Variants in UBE2Q2 observed in about 807,000 individuals in gnomAD.
UBE2Q2 encodes the protein ubiquitin-conjugating enzyme E2 Q2.
A neutral mutation model predicts 59.9 loss-of-function variants in UBE2Q2; 54 were observed. The observed-to-expected ratio is 0.90, with a 90% CI of 0.72 to 1.13. The LOEUF (loss-of-function observed/expected upper bound fraction) is 1.13. UBE2Q2 is among the 50% of genes most tolerant of loss of function. The pLI is 0.00. For synonymous variants in UBE2Q2, 165 were observed against 155.2 expected, an observed-to-expected ratio of 1.06 and a Z score of -0.47; for missense variants, 433 against 441.9, an observed-to-expected ratio of 0.98 and a Z score of 0.18.
chr15:75,869,325 T>A (rs1595875892), intron 4 of UBE2Q2, among the ~76,000 whole-genome samples: 1 of 152,226 alleles, frequency 6.6e-6, no homozygotes, highest in African/African-American at 2.4e-5. Context: ...GAGGAACTAC[T>A]AAGTTTAAAA....
intron 9 of UBE2Q2, among the ~76,000 whole-genome samples, chr15:75,887,631 A>G (rs2141660246): frequency 6.6e-6 from 1 of 151,734 alleles, no homozygotes; most frequent in South Asian, 2.1e-4. Context: ...TTTCTGTATA[A>G]CTGGTTGAGG....
rs867827713 is a variant in UBE2Q2, at chr15:75,887,007, T to C, written c.885-3428T>C. On this transcript the variant is annotated intron_variant, in intron 9 of 12. Transcript: ENST00000267938. ...ACCTAGAATAGAGACAAATATTTTA[T>C]GCATAATGCCATTTTCAGTTTTAAA... 8.7e-4 allele frequency among the ~76,000 whole-genome samples: 132 copies of C among 152,342 alleles called. 1 individual carries two copies. The Middle Eastern group carries it at 0.024, about 27-fold the overall frequency.
Position 75,891,757 on chromosome 15 carries a change from A to T in UBE2Q2, c.1029+743A>T, listed in dbSNP as rs555358996. Among the ~76,000 whole-genome samples, 114 of 152,294 alleles carry T rather than the reference A, an allele frequency of 7.5e-4. 1 individual carries two copies. The highest frequency in any genetic ancestry group is 1.4e-3 in the Non-Finnish European group (92 of 68,024). On this transcript the variant is annotated intron_variant, in intron 11 of 12. Transcript: ENST00000267938. ...CAGTTAACCTGAAGCATAGGCTGTA[A>T]TGTTAATTTTAGGACATTAGTGAGA... is the stretch of plus-strand genomic sequence containing the variant.
intron 9 of UBE2Q2, among the ~76,000 whole-genome samples, chr15:75,887,851 C>G (rs998328034): frequency 1.3e-5 from 2 of 152,014 alleles, no homozygotes; most frequent in African/African-American, 4.8e-5. Context: ...TCATTGGAGG[C>G]AAAATCAAAA....
At chr15:75,846,618 G>C (rs916478390) in intron 1 of UBE2Q2, among the ~76,000 whole-genome samples, 1 of 152,154 alleles carries the variant, frequency 6.6e-6, no homozygotes, top group African/African-American at 2.4e-5. Context: ...GGGAAAAATG[G>C]GGTTGGATTT....
intron 12 of UBE2Q2, 22 bp from the exon 13 acceptor site, chr15:75,899,405 T>A (rs1162398344): frequency 1.3e-6 from 2 of 1,557,402 alleles, no homozygotes; most frequent in East Asian, 4.7e-5. Flanking sequence ...ATTTTAACTT[T>A]TTTTTTTTCA....
chr15:75,885,471 A>G (rs1898707236), intron 9 of UBE2Q2, among the ~76,000 whole-genome samples: 1 of 152,214 alleles, frequency 6.6e-6, no homozygotes, highest in South Asian at 2.1e-4. Flanking sequence ...TTGGGAAACC[A>G]GGTTCAGAAT....
chr15:75,860,274 G>A (rs1322356367), intron 3 of UBE2Q2, among the ~76,000 whole-genome samples: 2 of 151,966 alleles, frequency 1.3e-5, no homozygotes, highest in South Asian at 2.1e-4. Context: ...GTTTGTCTTT[G>A]GTTATTCAAT....
intron 3 of UBE2Q2, among the ~76,000 whole-genome samples, chr15:75,860,680 A>C (rs1336301626): frequency 6.6e-6 from 1 of 152,102 alleles, no homozygotes; most frequent in African/African-American, 2.4e-5. Flanking sequence ...TAATTTAAAA[A>C]ATTCTGTTGT....
chr15:75,866,329 A>G (rs1450251289), intron 3 of UBE2Q2, among the ~76,000 whole-genome samples: 1 of 152,016 alleles, frequency 6.6e-6, no homozygotes, highest in East Asian at 1.9e-4. Flanking sequence ...GTGCACTGCC[A>G]CCGTGCATGG....
chr15:75,888,469 A>G (rs1483848279), intron 9 of UBE2Q2, among the ~76,000 whole-genome samples: 2 of 152,208 alleles, frequency 1.3e-5, no homozygotes, highest in African/African-American at 2.4e-5. Flanking sequence ...AAAGTTGAAA[A>G]TACAGTATTA....
intron 1 of UBE2Q2, among the ~76,000 whole-genome samples, chr15:75,847,669 C>G (rs1380592157): frequency 6.6e-6 from 1 of 151,922 alleles, no homozygotes; most frequent in Non-Finnish European, 1.5e-5. Context: ...TTTAAGCAGC[C>G]TTATTGGGAG....
intron 1 of UBE2Q2, chr15:75,844,511 G>C (rs1403599064): frequency 6.5e-7 from 1 of 1,549,844 alleles, no homozygotes; most frequent in African/African-American, 1.4e-5. Context: ...TATTCGTGTG[G>C]CCCCTCCCTT....
At chr15:75,872,345 C>T (rs893321685) in intron 4 of UBE2Q2, among the ~76,000 whole-genome samples, 6 of 148,710 alleles carry the variant, frequency 4.0e-5, no homozygotes, top group Admixed American at 3.3e-4. Flanking sequence ...AGCCGAGATG[C>T]GTATAAACTA....
chr15:75,850,854 T>C (rs1254928383), intron 1 of UBE2Q2, among the ~76,000 whole-genome samples: 1 of 152,210 alleles, frequency 6.6e-6, no homozygotes, highest in African/African-American at 2.4e-5. Context: ...ACAAGTTAAA[T>C]CAGAAATATT....
chr15:75,849,854 A>G (rs1896542839), intron 1 of UBE2Q2, among the ~76,000 whole-genome samples: 1 of 152,242 alleles, frequency 6.6e-6, no homozygotes, highest in African/African-American at 2.4e-5. Context: ...ATGTACGGGA[A>G]AACTGCCTGA....
At chr15:75,856,269 G>GTGTGTGTGTGTA (rs1256142539) in intron 2 of UBE2Q2, among the ~76,000 whole-genome samples, 7 of 139,276 alleles carry the variant, frequency 5.0e-5, no homozygotes, top group African/African-American at 1.9e-4. Context: ...GTGTGTGTGT[G>GTGTGTGTGTGTA]TATATATATA....
In UBE2Q2 at chr15:75,899,625, T is replaced by C. The variant is rs335687; in HGVS notation, c.*167T>C. The stretch of plus-strand genomic sequence containing the variant: ...GACATCCAGTATAAGTTACAGCCTT[T>C]GCATTTTGCTCATTTTAGATATCTT... On this transcript the variant is annotated 3_prime_UTR_variant, in exon 13 of 13. Coordinates refer to ENST00000267938, the MANE Select transcript of UBE2Q2 (RefSeq NM_173469.4). 474,211 of 491,142 alleles carry C rather than the reference T, an allele frequency of 0.97. 229,417 individuals carry two copies. The highest frequency in any genetic ancestry group is 1 in the East Asian group (24,791 of 24,796). 30.4% of individuals were successfully genotyped at this position (491,142 alleles called of 1,614,324 possible).
chr15:75,858,110 T>C (rs374128319), intron 2 of UBE2Q2, among the ~76,000 whole-genome samples: 10 of 152,328 alleles, frequency 6.6e-5, no homozygotes, highest in East Asian at 3.9e-4. Flanking sequence ...TCTGATCTCT[T>C]CTCCCTTGGC....
Sources: allele counts gnomAD v4.1 joint callset (sites outside exome capture counted in the v4.1 genomes callset), GRCh38; gene constraint gnomAD v4.1.1; transcripts MANE v1.5; gene names NCBI Gene and HGNC (gene_info 2026-07-23, HGNC 2026-07-21).